The following GRID1 variants were observed in gnomAD, a reference collection of about 807,000 sequenced individuals.
GRID1 encodes glutamate ionotropic receptor delta type subunit 1.
Under a neutral mutation model 98.0 loss-of-function variants are expected in GRID1, and 28 were observed. That is an observed-to-expected ratio of 0.29 (90% CI 0.21 to 0.39). The LOEUF (loss-of-function observed/expected upper bound fraction) is 0.39. Among genes scored for constraint, GRID1 ranks in the 10% least tolerant of loss-of-function variants. The pLI is 1.00. For synonymous variants in GRID1, 553 were observed against 538.5 expected (o/e 1.03, Z -0.37); for missense variants, 1,111 against 1,340.5 (o/e 0.83, Z 2.67).
chr10:85,775,285 A>C (rs1486978855), intron 8 of GRID1, among the ~76,000 whole-genome samples: 3 of 136,596 alleles, frequency 2.2e-5, no homozygotes, highest in Non-Finnish European at 4.7e-5. Context: ...ATGAGAACAC[A>C]TGGACACAGG....
chr10:86,043,829 T>C (rs1843381949), intron 4 of GRID1, among the ~76,000 whole-genome samples: 1 of 152,220 alleles, frequency 6.6e-6, no homozygotes, highest in East Asian at 1.9e-4. Flanking sequence ...TCTAGAACTT[T>C]AAATAACTGG....
At chr10:85,611,861 A>G (rs1842735649) in intron 15 of GRID1, among the ~76,000 whole-genome samples, 1 of 152,240 alleles carries the variant, frequency 6.6e-6, no homozygotes, top group Admixed American at 6.5e-5. Context: ...AAAATTTTCC[A>G]GTAGCCAAAG....
intron 8 of GRID1, among the ~76,000 whole-genome samples, chr10:85,743,114 C>CA (rs1554828640): frequency 2.2e-5 from 3 of 134,368 alleles, no homozygotes; most frequent in East Asian, 2.5e-4. Flanking sequence ...AGCCCCCCCC[C>CA]CCACCACCCA....
chr10:86,006,347 A>G (rs1842859930), intron 4 of GRID1, among the ~76,000 whole-genome samples: 1 of 152,222 alleles, frequency 6.6e-6, no homozygotes, highest in African/African-American at 2.4e-5. Context: ...AGGGCTGGGC[A>G]TGGTGGCTCA....
intron 2 of GRID1, among the ~76,000 whole-genome samples, chr10:86,212,935 C>T (rs1846126830): frequency 6.6e-6 from 1 of 152,038 alleles, no homozygotes; most frequent in African/African-American, 2.4e-5. Context: ...CTGTAAGAGG[C>T]CAATGCTAGA....
rs114876125 is a variant in GRID1 at position 85,760,726 on chromosome 10, C to G, written c.1234-31112G>C. The stretch of plus-strand genomic sequence containing the variant: ...CTCAAGCACAATTTCCTCAATTTTC[C>G]TGTTTTATCTTCCCTAAGGGCTCCA... On this transcript the variant is annotated intron_variant, in intron 8 of 15. Coordinates refer to ENST00000327946, the MANE Select transcript of GRID1 (RefSeq NM_017551.3). Among the ~76,000 whole-genome samples the G allele has an allele frequency of 3.2e-3, 493 of 152,278 alleles. 4 individuals are homozygous for G. The highest frequency in any genetic ancestry group is 0.011 in the African/African-American group (470 of 41,546).
At chr10:85,688,667 C>A (rs1415349094) in intron 12 of GRID1, among the ~76,000 whole-genome samples, 2 of 152,196 alleles carry the variant, frequency 1.3e-5, no homozygotes, top group African/African-American at 4.8e-5. Context: ...CTGTGGGAAA[C>A]AAGGACAGGC....
intron 2 of GRID1, among the ~76,000 whole-genome samples, chr10:86,230,967 C>A (rs543994116): frequency 2.1e-4 from 32 of 152,202 alleles, no homozygotes; most frequent in Non-Finnish European, 1.0e-4. Flanking sequence ...ACACTTCTAC[C>A]CAAGCTGCAA....
rs183766954 is a variant in GRID1, at chr10:86,170,545, C to T, written c.521-31521G>A. Among the ~76,000 whole-genome samples, 12 of 152,364 alleles carry T rather than the reference C, an allele frequency of 7.9e-5. No homozygotes were observed. The East Asian group carries it at 2.3e-3, about 29-fold the overall frequency. On this transcript the variant is annotated intron_variant, in intron 3 of 15. Coordinates refer to ENST00000327946, the MANE Select transcript of GRID1 (RefSeq NM_017551.3). Reference sequence around the variant, plus strand: ...TCTTCTCCCTGCTGGGCCTGCCCATCTTTAGGAGGGTCCCCACTTTGCTCC... The same window carrying T: ...TCTTCTCCCTGCTGGGCCTGCCCATTTTTAGGAGGGTCCCCACTTTGCTCC...
chr10:85,953,127 C>A (rs1318470291), intron 4 of GRID1, among the ~76,000 whole-genome samples: 1 of 151,872 alleles, frequency 6.6e-6, no homozygotes, highest in East Asian at 1.9e-4. Flanking sequence ...TTAGGGAAGT[C>A]AAAAGTTATA....
At chr10:85,740,909 A>G (rs573480209) in intron 8 of GRID1, among the ~76,000 whole-genome samples, 2 of 151,872 alleles carry the variant, frequency 1.3e-5, no homozygotes, top group East Asian at 3.9e-4. Context: ...GTGCCACCAC[A>G]CCTGGCTAAT....
intron 2 of GRID1, among the ~76,000 whole-genome samples, chr10:86,217,819 A>C (rs922668180): frequency 1.3e-5 from 2 of 152,070 alleles, no homozygotes; most frequent in Non-Finnish European, 2.9e-5. Context: ...CAGACCACTG[A>C]GAAGCCCATG....
chr10:86,086,780 T>C (rs1312732194), intron 4 of GRID1, among the ~76,000 whole-genome samples: 3 of 152,182 alleles, frequency 2.0e-5, no homozygotes, highest in Non-Finnish European at 4.4e-5. Context: ...TGTTGGTGTT[T>C]GTGTGAGTGT....
chr10:85,613,541 C>T lies in GRID1; in HGVS notation c.2467G>A (p.Gly823Ser), dbSNP rs753803082. 1.7e-5 allele frequency: 28 copies of T among 1,614,068 alleles called. 1 individual carries two copies. The highest frequency in any genetic ancestry group is 8.0e-5 in the African/African-American group (6 of 74,942). ...AAGCTGTGCAGCTTGAGGGATTTGC[C>T]GTCGGCCTGGGCGCTGGCATGGCTG... ...LTSHASAQADGKSLKLHSFAG... is the reference protein window; with the variant it reads ...LTSHASAQADSKSLKLHSFAG... The change falls in exon 15 of 16, where the codon GGC becomes AGC. Residue 823 changes from glycine (G) to serine (S), a missense_variant. By Grantham distance (56) the Gly-to-Ser change is moderately conservative (BLOSUM62 0). Transcript: ENST00000327946.
chr10:85,978,923 C>T (rs1408129358), intron 4 of GRID1, among the ~76,000 whole-genome samples: 2 of 152,180 alleles, frequency 1.3e-5, no homozygotes, highest in South Asian at 2.1e-4. Context: ...GAAATTGGGG[C>T]TCAGAAAGCA....
chr10:86,110,541 GC>G, intron 4 of GRID1, among the ~76,000 whole-genome samples: 1 of 152,264 alleles, frequency 6.6e-6, no homozygotes, highest in Middle Eastern at 3.4e-3. Context: ...GGGACTTCCA[GC>G]CTCTACCACC....
intron 4 of GRID1, among the ~76,000 whole-genome samples, chr10:86,080,973 A>T (rs1462921736): frequency 6.6e-6 from 1 of 152,152 alleles, no homozygotes; most frequent in Non-Finnish European, 1.5e-5. Flanking sequence ...TTAAGGTTCC[A>T]GAAAAAGCCC....
At chr10:86,207,649 T>G (rs1355061408) in intron 2 of GRID1, among the ~76,000 whole-genome samples, 5 of 147,444 alleles carry the variant, frequency 3.4e-5, no homozygotes, top group Non-Finnish European at 7.4e-5. Context: ...TTTTTTTTTT[T>G]GAGACGGAGT....
At chr10:85,641,638 G>A (rs1041097530) in intron 13 of GRID1, among the ~76,000 whole-genome samples, 3 of 152,212 alleles carry the variant, frequency 2.0e-5, no homozygotes, top group Non-Finnish European at 4.4e-5. Context: ...TGAGGCTCAG[G>A]TCCAGTTTCT....
Sources: allele counts gnomAD v4.1 joint callset (sites outside exome capture counted in the v4.1 genomes callset), GRCh38; gene constraint gnomAD v4.1.1; transcripts MANE v1.5; gene names NCBI Gene and HGNC (gene_info 2026-07-23, HGNC 2026-07-21).